The following ZNF562 variants were observed in gnomAD, a reference collection of about 807,000 sequenced individuals.
ZNF562 encodes the protein zinc finger protein 562.
ZNF562 carries 13 observed loss-of-function variants against 17.5 expected under a neutral mutation model. The ratio of observed to expected loss-of-function variants is 0.74; its 90% CI spans 0.48 to 1.18. ZNF562 has a LOEUF of 1.18. Ranked by LOEUF, ZNF562 falls within the 50% of genes most tolerant of loss-of-function variation. ZNF562 has a pLI of 0.00. For missense variants in ZNF562, 481 were observed against 498.5 expected (o/e 0.96, Z 0.33); for synonymous variants, 163 against 165.4 (o/e 0.99, Z 0.11).
chr19:9,650,983 T>C lies in ZNF562; in HGVS notation c.*1966A>G, dbSNP rs1177715366. 2.0e-5 allele frequency: 2 copies of C among 97,774 alleles called. No individual in the cohort carries two copies. Among genetic ancestry groups the C allele is most frequent in the African/African-American group, 9.8e-5 (2 of 20,410 alleles). The allele number at this position is 97,774 out of a possible 1,614,324, so 6.1% of individuals were successfully genotyped here. A position where few individuals can be genotyped will look rare whatever the true frequency, so the allele number is the denominator to read the frequency against. The stretch of plus-strand genomic sequence containing the variant: ...AAAAAAAAAAAAAAAAAAAAAAAAA[T>C]CCTGTGTTTTTAACCTCATTGATTT... On this transcript the variant is annotated 3_prime_UTR_variant, in exon 6 of 6. Coordinates refer to ENST00000453372, the MANE Select transcript of ZNF562 (RefSeq NM_001130031.2).
In ZNF562 at chr19:9,653,283, T is replaced by C. The variant is rs758634247; in HGVS notation, c.947A>G (p.His316Arg). The C allele has an allele frequency of 6.2e-7, 1 of 1,614,226 alleles. No homozygotes were observed. The highest frequency in any genetic ancestry group is 8.5e-7 in the Non-Finnish European group (1 of 1,180,044). Reference sequence around the variant, plus strand: ...GGCTTTCCCACATTCCGTACATTTGTGTGGTTTTATTCCAGTGTGAATTTG... The same window carrying C: ...GGCTTTCCCACATTCCGTACATTTGCGTGGTTTTATTCCAGTGTGAATTTG... ...HIQIHTGIKPHKCTECGKAFT... is the reference protein window; with the variant it reads ...HIQIHTGIKPRKCTECGKAFT... The change falls in exon 6 of 6, where the codon CAC becomes CGC. Residue 316 changes from histidine to arginine, a missense_variant. By Grantham distance (29) the His-to-Arg change is conservative (BLOSUM62 0). Coordinates refer to ENST00000453372, the MANE Select transcript of ZNF562 (RefSeq NM_001130031.2).
At chr19:9,656,871 A>AAAAAATATAT (rs376933513) in intron 4 of ZNF562, among the ~76,000 whole-genome samples, 4,292 of 142,364 alleles carry the variant, frequency 0.03, 204 homozygotes, top group African/African-American at 0.095. Flanking sequence ...AAAATACAAA[A>AAAAAATATAT]ATATATATAT....
rs769235670 is a variant in ZNF562 at position 9,653,175 on chromosome 19, G to A, written c.1055C>T (p.Ala352Val). The A allele has an allele frequency of 6.2e-7, 1 of 1,613,998 alleles. No homozygotes were observed. Among genetic ancestry groups the A allele is most frequent in the South Asian group, 1.1e-5 (1 of 91,056 alleles). The change falls in exon 6 of 6, where the codon GCC (alanine) becomes GTC (valine). Residue 352 changes from alanine to valine, a missense_variant. Transcript: ENST00000453372. ...KPYECKECGQ[A>V]FTQYTGLAIH... ...AGCAAGGCCCGTGTACTGAGTGAAG[G>A]CTTGGCCACATTCCTTACATTCATA...
At chr19:9,670,321 A>T (rs2044141565) in intron 1 of ZNF562, among the ~76,000 whole-genome samples, 1 of 152,200 alleles carries the variant, frequency 6.6e-6, no homozygotes, top group Non-Finnish European at 1.5e-5. Context: ...CTGGAATCCC[A>T]TTGGGTATAT....
intron 1 of ZNF562, among the ~76,000 whole-genome samples, chr19:9,671,933 C>A (rs2044214417): frequency 1.3e-5 from 2 of 152,090 alleles, no homozygotes; most frequent in Non-Finnish European, 2.9e-5. Flanking sequence ...CTTTCTGGTC[C>A]CCAAAGCATG....
At chr19:9,655,277 T>C (rs966714064) in intron 5 of ZNF562, among the ~76,000 whole-genome samples, 6 of 151,750 alleles carry the variant, frequency 4.0e-5, no homozygotes, top group Non-Finnish European at 5.9e-5. Context: ...GTGTCAGCCA[T>C]TGCACCCAGC....
chr19:9,654,647 T>C (rs1159352248), intron 5 of ZNF562, among the ~76,000 whole-genome samples: 1 of 152,016 alleles, frequency 6.6e-6, no homozygotes, highest in African/African-American at 2.4e-5. Context: ...TGGGACTTCA[T>C]CATGTTAGCC....
At chr19:9,669,724 G>GCACACACACACA (rs1255709994) in intron 1 of ZNF562, among the ~76,000 whole-genome samples, 3 of 77,990 alleles carry the variant, frequency 3.8e-5, no homozygotes, top group African/African-American at 1.5e-4. Context: ...GCGAGCGCGC[G>GCACACACACACA]CGCGCGCGCG....
Position 9,650,954 on chromosome 19 carries a change from C to CAAAAAAAAAAAAAAAAA in ZNF562, c.*1978_*1994dup, listed in dbSNP as rs74178208. The stretch of plus-strand genomic sequence containing the variant: ...GGGCAACAAGAGCAAAACTCCATCT[C>CAAAAAAAAAAAAAAAAA]AAAAAAAAAAAAAAAAAAAAAAAAA... On this transcript the variant is annotated 3_prime_UTR_variant, in exon 6 of 6. Transcript: ENST00000453372. The CAAAAAAAAAAAAAAAAA allele has an allele frequency of 3.7e-4, 17 of 46,306 alleles. No individual in the cohort carries two copies. The highest frequency in any genetic ancestry group is 1.5e-3 in the South Asian group (1 of 650). 2.9% of individuals were successfully genotyped at this position (46,306 alleles called of 1,614,324 possible). A position where few individuals can be genotyped will look rare whatever the true frequency, so the allele number is the denominator to read the frequency against.
At position 9,656,665 on chromosome 19, in the gene ZNF562, G is replaced by T. The variant is rs764908175; in HGVS notation, c.242-12C>A. 3.7e-6 allele frequency: 6 copies of T among 1,608,770 alleles called. No homozygotes were observed. Among genetic ancestry groups the T allele is most frequent in the Non-Finnish European group, 5.1e-6 (6 of 1,175,866 alleles). ...GCAGAAAAAGAAATCTAAGGGTTTA[G>T]AGAAGAAATGTGTTAGTTTAAAATT... On this transcript the variant is annotated splice_polypyrimidine_tract_variant and intron_variant, in intron 4 of 5. Coordinates refer to ENST00000453372, the MANE Select transcript of ZNF562 (RefSeq NM_001130031.2).
intron 2 of ZNF562, 110 bp from the exon 3 acceptor site, chr19:9,659,577 AACT>A: frequency 7.6e-7 from 1 of 1,309,354 alleles, no homozygotes; most frequent in Non-Finnish European, 1.0e-6. Flanking sequence ...CACTCGAAAA[AACT>A]ACACACACAC....
chr19:9,672,052 A>T (rs1243210377), intron 1 of ZNF562, among the ~76,000 whole-genome samples: 1 of 152,250 alleles, frequency 6.6e-6, no homozygotes, highest in African/African-American at 2.4e-5. Flanking sequence ...TACACACACC[A>T]TGAGAATCCA....
In ZNF562 at chr19:9,652,742, A is replaced by G. The variant is rs1422683728; in HGVS notation, c.*207T>C. The G allele has an allele frequency of 9.0e-6, 4 of 444,620 alleles. No individual in the cohort carries two copies. The highest frequency in any genetic ancestry group is 1.5e-5 in the Non-Finnish European group (4 of 259,590). The allele number at this position is 444,620 out of a possible 1,614,324, so 27.5% of individuals were successfully genotyped here. Reference sequence around the variant, plus strand: ...TGATCTTTGCACTGCCAATAATTAAAGATGGCAACCAATGGGCTAAATGGT... The same window carrying G: ...TGATCTTTGCACTGCCAATAATTAAGGATGGCAACCAATGGGCTAAATGGT... On this transcript the variant is annotated 3_prime_UTR_variant, in exon 6 of 6. Coordinates refer to ENST00000453372, the MANE Select transcript of ZNF562 (RefSeq NM_001130031.2).
intron 1 of ZNF562, 174 bp downstream of exon 1, chr19:9,674,841 C>T (rs895545612): frequency 6.6e-6 from 1 of 152,326 alleles, no homozygotes; most frequent in Non-Finnish European, 1.5e-5. Flanking sequence ...CCGACGCAGC[C>T]AGACGGACTG....
chr19:9,662,934 A>G (rs1003038296), intron 1 of ZNF562, among the ~76,000 whole-genome samples: 6 of 151,842 alleles, frequency 4.0e-5, no homozygotes, highest in Admixed American at 3.9e-4. Flanking sequence ...GAATCACTCG[A>G]ACCCGGGAGG....
chr19:9,665,896 C>T (rs188404429), intron 1 of ZNF562, among the ~76,000 whole-genome samples: 15 of 151,718 alleles, frequency 9.9e-5, no homozygotes, highest in Middle Eastern at 3.4e-3. Flanking sequence ...TGCACCTCAC[C>T]TACTTAGGAG....
chr19:9,653,586 T>G lies in ZNF562; in HGVS notation c.644A>C (p.Tyr215Ser). Residue 215 changes from tyrosine (Y) to serine (S), a missense_variant, in exon 6 of 6, where the codon TAT becomes TCT. Coordinates refer to ENST00000453372, the MANE Select transcript of ZNF562 (RefSeq NM_001130031.2). Reference protein sequence around the residue: ...KCKECGKGFKYFASLDNHMGI... With the variant: ...KCKECGKGFKSFASLDNHMGI... ...CATGTGATTATCAAGGCTTGCAAAA[T>G]ACTTAAAGCCTTTTCCACATTCCTT... 6.2e-7 allele frequency: 1 copy of G among 1,614,176 alleles called. No individual in the cohort carries two copies. Among genetic ancestry groups the G allele is most frequent in the Non-Finnish European group, 8.5e-7 (1 of 1,180,030 alleles).
intron 1 of ZNF562, among the ~76,000 whole-genome samples, chr19:9,670,914 T>C (rs772976770): frequency 4.6e-5 from 7 of 151,824 alleles, no homozygotes; most frequent in Non-Finnish European, 1.0e-4. Context: ...GGAGAATCAC[T>C]TGAATCCGGG....
At chr19:9,669,497 G>T (rs964296764) in intron 1 of ZNF562, among the ~76,000 whole-genome samples, 2 of 152,064 alleles carry the variant, frequency 1.3e-5, no homozygotes, top group Admixed American at 6.6e-5. Context: ...ATCCTTGTAT[G>T]CAGTTGGTGG....
Sources: gnomAD v4.1 joint callset for allele counts (sites outside exome capture counted in the v4.1 genomes callset) on GRCh38, gnomAD v4.1.1 for gene constraint, MANE v1.5 for transcripts, NCBI Gene and HGNC (gene_info 2026-07-23, HGNC 2026-07-21) for gene names.